The following KLHL13 variants were observed in gnomAD, a reference collection of about 807,000 sequenced individuals.
KLHL13 encodes kelch like family member 13, also known as kelch-like protein 13.
In KLHL13, 10 loss-of-function variants were observed where a neutral mutation model predicts 37.1. The ratio of observed to expected loss-of-function variants is 0.27; its 90% CI spans 0.17 to 0.46. The LOEUF (loss-of-function observed/expected upper bound fraction) is 0.46. Among genes scored for constraint, KLHL13 ranks in the 20% least tolerant of loss-of-function variants. The pLI is 1.00. For missense variants in KLHL13, 360 were observed against 509.3 expected, an observed-to-expected ratio of 0.71 and a Z score of 2.82; for synonymous variants, 163 against 181.2, an observed-to-expected ratio of 0.90 and a Z score of 0.81.
intron 2 of KLHL13, among the ~76,000 whole-genome samples, chrX:117,926,997 C>T (rs1312330034): frequency 9.7e-6 from 1 of 103,187 alleles, no homozygotes; most frequent in Admixed American, 1.0e-4. Context: ...CCTCCGCCTC[C>T]CAGGTTCACG....
upstream of KLHL13, among the ~76,000 whole-genome samples, chrX:117,976,823 G>A (rs947377594): frequency 8.9e-6 from 1 of 111,766 alleles, no homozygotes; most frequent in Non-Finnish European, 1.9e-5. Context: ...AACAAACAAA[G>A]GACAATGATG....
At chrX:117,906,786 G>A (rs1277902105) in intron 5 of KLHL13, among the ~76,000 whole-genome samples, 3 of 110,896 alleles carry the variant, frequency 2.7e-5, no homozygotes, top group South Asian at 7.5e-4. Context: ...AAATCTATGA[G>A]GTCATTATAG....
intron 1 of KLHL13, among the ~76,000 whole-genome samples, chrX:118,024,698 C>T (rs981784394): frequency 8.1e-5 from 9 of 111,484 alleles, no homozygotes; most frequent in Non-Finnish European, 1.5e-4. Context: ...TACTACACAC[C>T]CACAGAATGG....
At chrX:117,928,805 A>T (rs1168827418) in intron 2 of KLHL13, among the ~76,000 whole-genome samples, 3 of 111,878 alleles carry the variant, frequency 2.7e-5, no homozygotes, top group African/African-American at 9.7e-5. Context: ...AATTTATCCC[A>T]AATTAGGCAG....
At chrX:118,094,407 C>T (rs141446330) in intron 1 of KLHL13, among the ~76,000 whole-genome samples, 2 of 111,258 alleles carry the variant, frequency 1.8e-5, no homozygotes, top group African/African-American at 6.5e-5. Context: ...ACCAAATCTA[C>T]GTCTGATTGG....
At chrX:117,925,878 A>G (rs988590409) in intron 2 of KLHL13, among the ~76,000 whole-genome samples, 2 of 111,244 alleles carry the variant, frequency 1.8e-5, no homozygotes, top group African/African-American at 6.6e-5. Flanking sequence ...TTTGTAGAGA[A>G]GGGGTTTCAT....
In KLHL13 at chrX:118,085,424, G is replaced by T. The variant is rs184565608; in HGVS notation, c.-56+31084C>A. 4.7e-3 allele frequency among the ~76,000 whole-genome samples: 525 copies of T among 110,685 alleles called. 2 individuals are homozygous for T. Among genetic ancestry groups the T allele is most frequent in the Middle Eastern group, 0.014 (3 of 215 alleles). On this transcript the variant is annotated intron_variant, in intron 1 of 6. Transcript: ENST00000371882. Reference sequence around the variant, plus strand: ...ATAGAACAAATGGGATGAGTAAAAGGAGATAGATATATATATATATTTCAA... The same window carrying T: ...ATAGAACAAATGGGATGAGTAAAAGTAGATAGATATATATATATATTTCAA...
intron 1 of KLHL13, among the ~76,000 whole-genome samples, chrX:118,073,537 T>C (rs1216280947): frequency 9.0e-6 from 1 of 111,582 alleles, no homozygotes; most frequent in South Asian, 3.8e-4. Flanking sequence ...TCTCTACATA[T>C]ACTTGGCTGT....
At chrX:117,986,945 G>A (rs934636791) in intron 1 of KLHL13, among the ~76,000 whole-genome samples, 1 of 111,355 alleles carries the variant, frequency 9.0e-6, no homozygotes, top group African/African-American at 3.3e-5. Flanking sequence ...AAGTAAGCAG[G>A]TCCCTGAAAG....
At chrX:118,098,075 A>G (rs891039676) in intron 1 of KLHL13, among the ~76,000 whole-genome samples, 8 of 112,140 alleles carry the variant, frequency 7.1e-5, no homozygotes, top group Non-Finnish European at 1.5e-4. Flanking sequence ...CAAAATTGAC[A>G]AATGGGATCT....
At chrX:117,997,998 T>C (rs2053875108) in intron 1 of KLHL13, among the ~76,000 whole-genome samples, 1 of 111,799 alleles carries the variant, frequency 8.9e-6, no homozygotes, top group Non-Finnish European at 1.9e-5. Flanking sequence ...TATGATCTTT[T>C]ATATCGCTGC....
intron 1 of KLHL13, among the ~76,000 whole-genome samples, chrX:118,062,435 T>C (rs2054752249): frequency 9.0e-6 from 1 of 110,886 alleles, no homozygotes; most frequent in African/African-American, 3.3e-5. Flanking sequence ...TCTGTAGTTT[T>C]CTATACAGAA....
chrX:117,910,774 T>C (rs1156764275), intron 4 of KLHL13, among the ~76,000 whole-genome samples: 4 of 111,700 alleles, frequency 3.6e-5, no homozygotes, highest in Non-Finnish European at 7.5e-5. Context: ...AAATCTCTCA[T>C]GTAAATGAGA....
At position 118,083,584 on chromosome X, in the gene KLHL13, G is replaced by T. The variant is rs149490873; in HGVS notation, c.-56+32924C>A. Among the ~76,000 whole-genome samples the T allele has an allele frequency of 8.7e-3, 973 of 111,438 alleles. 12 individuals are homozygous for T. The highest frequency in any genetic ancestry group is 0.03 in the African/African-American group (917 of 30,684). Reference sequence around the variant, plus strand: ...TGGTTATCAGAGGCTGGGCGAGAGTGGGGGGCAGGTAATGAAGAGAGGTTG... The same window carrying T: ...TGGTTATCAGAGGCTGGGCGAGAGTTGGGGGCAGGTAATGAAGAGAGGTTG... On this transcript the variant is annotated intron_variant, in intron 1 of 6. Transcript: ENST00000371882.
rs766989908 is a variant in KLHL13, at chrX:118,094,781, A to G, written c.-56+21727T>C. Among the ~76,000 whole-genome samples the G allele has an allele frequency of 5.8e-3, 641 of 111,275 alleles. 2 individuals carry two copies. The highest frequency in any genetic ancestry group is 8.9e-3 in the Non-Finnish European group (473 of 52,928). On this transcript the variant is annotated intron_variant, in intron 1 of 6. Coordinates refer to the KLHL13 transcript ENST00000371882. ...ATTTTCAACCCAGAATTTCATATCCAGCCAAACTAAGCTTCATAAGTGAAG... is the reference window on the plus strand; with the variant it reads ...ATTTTCAACCCAGAATTTCATATCCGGCCAAACTAAGCTTCATAAGTGAAG...
chrX:117,972,150 CAT>C (rs1361356580), intron 1 of KLHL13, among the ~76,000 whole-genome samples: 1 of 111,850 alleles, frequency 8.9e-6, no homozygotes, highest in East Asian at 2.8e-4. Context: ...TATAACTGCT[CAT>C]AGAGATATAA....
At chrX:118,021,169 G>C (rs187806660) in intron 1 of KLHL13, among the ~76,000 whole-genome samples, 1 of 107,326 alleles carries the variant, frequency 9.3e-6, no homozygotes, top group Admixed American at 1.0e-4. Flanking sequence ...TTTTTTGTTC[G>C]ATATCTGCCT....
At chrX:118,076,536 C>A (rs1326640113) in intron 1 of KLHL13, among the ~76,000 whole-genome samples, 1 of 111,353 alleles carries the variant, frequency 9.0e-6, no homozygotes, top group Non-Finnish European at 1.9e-5. Flanking sequence ...GAAGAAGAGA[C>A]TTGTGGAGCA....
intron 1 of KLHL13, among the ~76,000 whole-genome samples, chrX:118,029,983 T>C (rs2054318193): frequency 1.9e-5 from 2 of 107,312 alleles, no homozygotes; most frequent in Non-Finnish European, 3.9e-5. Context: ...ATAATAATAA[T>C]AAAAGAAAAG....
Sources: gnomAD v4.1 joint callset for allele counts (sites outside exome capture counted in the v4.1 genomes callset) on GRCh38, gnomAD v4.1.1 for gene constraint, MANE v1.5 for transcripts, NCBI Gene and HGNC (gene_info 2026-07-23, HGNC 2026-07-21) for gene names.